Variants in ZNF583 observed in about 807,000 individuals in gnomAD.
ZNF583 encodes the protein zinc finger protein 583.
Under a neutral mutation model 55.3 loss-of-function variants are expected in ZNF583, and 30 were observed. The ratio of observed to expected loss-of-function variants is 0.54; its 90% CI spans 0.41 to 0.74. The LOEUF is 0.74. Among genes scored for constraint, ZNF583 ranks in the 30% least tolerant of loss-of-function variants. The pLI is 0.00. For synonymous variants in ZNF583, 208 were observed against 220.0 expected (o/e 0.95, Z 0.48); for missense variants, 504 against 664.7 (o/e 0.76, Z 2.66).
intron 4 of ZNF583, among the ~76,000 whole-genome samples, chr19:56,420,742 T>C (rs938751909): frequency 1.3e-5 from 2 of 152,210 alleles, no homozygotes; most frequent in African/African-American, 4.8e-5. Flanking sequence ...GTTTGCATGT[T>C]ACATCTTTCT....
chr19:56,408,202 G>A (rs7246353), intron 2 of ZNF583, among the ~76,000 whole-genome samples: 128,376 of 152,086 alleles, frequency 0.84, 54,466 homozygotes, highest in African/African-American at 0.93. Context: ...TAAATGCATT[G>A]TATAGGTTAA....
intron 2 of ZNF583, among the ~76,000 whole-genome samples, chr19:56,408,365 T>C (rs2042187036): frequency 6.6e-6 from 1 of 152,176 alleles, no homozygotes; most frequent in Non-Finnish European, 1.5e-5. Context: ...TCTGCAGTGT[T>C]TAACATAGTA....
At chr19:56,404,038 G>T (rs1040967929), upstream of ZNF583, 2 of 152,532 alleles carry the variant, frequency 1.3e-5, no homozygotes, top group African/African-American at 4.8e-5. The surrounding 1 kb of genome is among the most constrained non-coding windows in gnomAD (Gnocchi z 5.2). Flanking sequence ...TCACCGCGCT[G>T]GCACCCCGGC....
Position 56,424,649 on chromosome 19 carries a change from G to C in ZNF583, c.*281G>C. ...CTAAAAACCTAGCCTCTAACACCTT[G>C]TTCCAGGTTACCTTCCAAAGTTTCT... On this transcript the variant is annotated 3_prime_UTR_variant, in exon 5 of 5. Transcript: ENST00000333201. The C allele has an allele frequency of 3.4e-6, 1 of 291,842 alleles. No homozygotes were observed. The highest frequency in any genetic ancestry group is 6.1e-5 in the East Asian group (1 of 16,262). The allele number at this position is 291,842 out of a possible 1,614,324, so 18.1% of individuals were successfully genotyped here.
intron 4 of ZNF583, among the ~76,000 whole-genome samples, chr19:56,421,733 CTATT>C (rs1281816383): frequency 6.6e-6 from 1 of 152,080 alleles, no homozygotes; most frequent in Non-Finnish European, 1.5e-5. Context: ...TCTGTCCAGG[CTATT>C]TTAGGCAATG....
intron 4 of ZNF583, among the ~76,000 whole-genome samples, chr19:56,418,241 T>C (rs1387834262): frequency 4.6e-5 from 7 of 152,216 alleles, no homozygotes; most frequent in African/African-American, 1.7e-4. Context: ...TTGAGTCTTC[T>C]AATATAAGTA....
rs2042415076 is a variant in ZNF583, at chr19:56,421,465, A to G, written c.233-1426A>G. On this transcript the variant is annotated intron_variant, in intron 4 of 4. Coordinates refer to ENST00000333201, the MANE Select transcript of ZNF583 (RefSeq NM_152478.3). ...GGGTGTGATTTGCAACTGTTTAGAGAGGAAAGTGGAATTTGGAAGGGCACT... is the reference window on the plus strand; with the variant it reads ...GGGTGTGATTTGCAACTGTTTAGAGGGGAAAGTGGAATTTGGAAGGGCACT... 9 of 985,258 alleles carry G rather than the reference A, an allele frequency of 9.1e-6. No homozygotes were observed. The Admixed American group carries it at 4.3e-4, about 47-fold the overall frequency. 61.0% of individuals were successfully genotyped at this position (985,258 alleles called of 1,614,324 possible).
chr19:56,422,957 A>C lies in ZNF583; in HGVS notation c.299A>C (p.Lys100Thr). The change falls in exon 5 of 5, where the codon AAA becomes ACA. Residue 100 changes from lysine to threonine, a missense_variant. Coordinates refer to ENST00000333201, the MANE Select transcript of ZNF583 (RefSeq NM_152478.3). ...SKQETYEESS[K>T]VVTVGARHLS... The stretch of plus-strand genomic sequence containing the variant: ...CAAGAGACATATGAAGAATCATCCA[A>C]AGTTGTGACAGTGGGAGCAAGACAT... 2 of 1,613,652 alleles carry C rather than the reference A, an allele frequency of 1.2e-6. No homozygotes were observed. Among genetic ancestry groups the C allele is most frequent in the Non-Finnish European group, 8.5e-7 (1 of 1,179,792 alleles).
Position 56,424,341 on chromosome 19 carries a change from G to A in ZNF583, c.1683G>A (p.Leu561=), listed in dbSNP as rs751336747. The A allele has an allele frequency of 2.0e-6, 3 of 1,528,698 alleles. No homozygotes were observed. The South Asian group carries it at 3.4e-5, about 17-fold the overall frequency. 94.7% of individuals were successfully genotyped at this position (1,528,698 alleles called of 1,614,324 possible). A position where few individuals can be genotyped will look rare whatever the true frequency, so the allele number is the denominator to read the frequency against. The change falls in exon 5 of 5, where the codon TTG becomes TTA. Residue 561 remains leucine, a synonymous_variant. Coordinates refer to ENST00000333201, the MANE Select transcript of ZNF583 (RefSeq NM_152478.3). ...CCTCACCCTCCACATCAAATCAGTT[G>A]CCAAGACCTGTAGGTTTCATCTCCT... ...SSPSPSTSNQ[L]PRPVGFIS is the part of the protein sequence containing the mutation.
At chr19:56,414,278 T>G in intron 3 of ZNF583, 67 bp from the exon 4 acceptor site, 1 of 1,562,932 alleles carries the variant, frequency 6.4e-7, no homozygotes, top group South Asian at 1.1e-5. Flanking sequence ...TCCCACCTTC[T>G]TGATGATGCA....
chr19:56,407,148 C>T, intron 2 of ZNF583, 25 bp downstream of exon 2: 1 of 1,613,608 alleles, frequency 6.2e-7, no homozygotes, highest in Non-Finnish European at 8.5e-7. Context: ...CTTCTCTCTT[C>T]CCTAAAATGC....
intron 2 of ZNF583, among the ~76,000 whole-genome samples, chr19:56,409,326 T>A (rs552584799): frequency 6.6e-6 from 1 of 152,308 alleles, no homozygotes; most frequent in Non-Finnish European, 1.5e-5. Flanking sequence ...GTTAGCCACC[T>A]CTTCTTTCCT....
intron 1 of ZNF583, among the ~76,000 whole-genome samples, chr19:56,405,505 T>C (rs1258023276): frequency 1.3e-5 from 2 of 151,958 alleles, no homozygotes; most frequent in African/African-American, 4.8e-5. Flanking sequence ...AGACTGCTGT[T>C]GTGGTGGAGA....
chr19:56,416,879 T>C (rs2042334125), intron 4 of ZNF583, among the ~76,000 whole-genome samples: 1 of 152,124 alleles, frequency 6.6e-6, no homozygotes. Flanking sequence ...CCCCAAAAGA[T>C]TGCGTGTGTC....
In ZNF583 at chr19:56,423,194, C is replaced by A; in HGVS notation, c.536C>A (p.Thr179Asn). 16 of 1,612,828 alleles carry A rather than the reference C, an allele frequency of 9.9e-6. No homozygotes were observed. The highest frequency in any genetic ancestry group is 1.4e-5 in the Non-Finnish European group (16 of 1,179,874). The change falls in exon 5 of 5, where the codon ACC becomes AAC. Residue 179 changes from threonine to asparagine, a missense_variant. Thr to Asn is a moderately conservative substitution (Grantham distance 65). Around this residue, in one of 3 missense-constraint regions of ZNF583, gnomAD observed 204 missense variants for 235.2 expected, o/e 0.87. Transcript: ENST00000333201. Reference sequence around the variant, plus strand: ...TTTGATATACAACAGAGTTTTCCCACCAAAGAAAAAGCACATAAGCATGAA... The same window carrying A: ...TTTGATATACAACAGAGTTTTCCCAACAAAGAAAAAGCACATAAGCATGAA... ...TIFDIQQSFP[T>N]KEKAHKHEPQ...
Position 56,424,379 on chromosome 19 carries a change from A to AG in ZNF583, c.*11_*12insG. 3.5e-6 allele frequency: 4 copies of AG among 1,135,628 alleles called. No homozygotes were observed. Among genetic ancestry groups the AG allele is most frequent in the Non-Finnish European group, 5.3e-6 (4 of 761,700 alleles). 70.3% of individuals were successfully genotyped at this position (1,135,628 alleles called of 1,614,324 possible). A position where few individuals can be genotyped will look rare whatever the true frequency, so the allele number is the denominator to read the frequency against. On this transcript the variant is annotated 3_prime_UTR_variant, in exon 5 of 5. Transcript: ENST00000333201. ...GGTTTCATCTCCTGAATATTTCTGG[A>AG]ATCCACCTCTTGAATCCATTTCCAT...
chr19:56,417,586 G>A (rs2147592383), intron 4 of ZNF583, among the ~76,000 whole-genome samples: 1 of 152,128 alleles, frequency 6.6e-6, no homozygotes, highest in East Asian at 1.9e-4. Flanking sequence ...TATATGTATT[G>A]GCTTATATGT....
At chr19:56,410,254 G>A (rs775443529) in intron 2 of ZNF583, among the ~76,000 whole-genome samples, 6 of 152,054 alleles carry the variant, frequency 3.9e-5, no homozygotes, top group Non-Finnish European at 8.8e-5. Flanking sequence ...AAAACAATTT[G>A]ACCGTATCGT....
At chr19:56,409,747 T>C (rs2042209066) in intron 2 of ZNF583, among the ~76,000 whole-genome samples, 1 of 152,212 alleles carries the variant, frequency 6.6e-6, no homozygotes, top group Non-Finnish European at 1.5e-5. Context: ...ATAATCTTAA[T>C]CTTTTAGTGT....
Sources: allele counts gnomAD v4.1 joint callset (sites outside exome capture counted in the v4.1 genomes callset), GRCh38; gene constraint gnomAD v4.1.1; regional missense constraint gnomAD v4.1.1; non-coding constraint Gnocchi (gnomAD v3.1); transcripts MANE v1.5; gene names NCBI Gene and HGNC (gene_info 2026-07-23, HGNC 2026-07-21).